B4GALNT3: variants seen among roughly 807,000 people sequenced by gnomAD.
B4GALNT3 encodes beta-1,4-N-acetylgalactosaminyltransferase 3.
A neutral mutation model predicts 120.2 loss-of-function variants in B4GALNT3; 86 were observed. That is an observed-to-expected ratio of 0.72 (90% CI 0.60 to 0.86). The LOEUF (loss-of-function observed/expected upper bound fraction) is 0.86. Among genes scored for constraint, B4GALNT3 ranks in the 40% least tolerant of loss-of-function variants. B4GALNT3 has a pLI of 0.00. For synonymous variants in B4GALNT3, 518 were observed against 510.4 expected, an observed-to-expected ratio of 1.01 and a Z score of -0.20; for missense variants, 1,167 against 1,298.9, an observed-to-expected ratio of 0.90 and a Z score of 1.56.
intron 3 of B4GALNT3, among the ~76,000 whole-genome samples, chr12:538,276 G>T (rs577180469): frequency 8.5e-5 from 13 of 152,234 alleles, no homozygotes; most frequent in Non-Finnish European, 1.9e-4. Context: ...TCAAAATTGG[G>T]CTGGGCTTGG....
chr12:510,866 G>A (rs991148257), intron 1 of B4GALNT3, among the ~76,000 whole-genome samples: 6 of 152,012 alleles, frequency 3.9e-5, no homozygotes, highest in African/African-American at 1.4e-4. Context: ...ATATCCACAG[G>A]GCTGTGCAAC....
chr12:527,117 G>A (rs1946765280), intron 1 of B4GALNT3, among the ~76,000 whole-genome samples: 2 of 152,004 alleles, frequency 1.3e-5, no homozygotes, highest in African/African-American at 2.4e-5. Flanking sequence ...TTAAAGAAAC[G>A]AGGTTTCACC....
intron 1 of B4GALNT3, among the ~76,000 whole-genome samples, chr12:508,851 A>C (rs1003081859): frequency 3.9e-5 from 6 of 152,212 alleles, no homozygotes; most frequent in African/African-American, 1.4e-4. Context: ...GTGCCCCAGG[A>C]GGCCTTTCAT....
rs148146125 is a variant in B4GALNT3 at position 485,026 on chromosome 12, C to T, written c.169+24481C>T. Among the ~76,000 whole-genome samples the T allele has an allele frequency of 3.7e-3, 559 of 152,266 alleles. 2 individuals are homozygous for T. Among genetic ancestry groups the T allele is most frequent in the Non-Finnish European group, 6.9e-3 (468 of 68,016 alleles). Reference sequence around the variant, plus strand: ...TCGCATAGACAAAATATACACGTCACACATAACACATCCCTTTGGCATGTT... The same window carrying T: ...TCGCATAGACAAAATATACACGTCATACATAACACATCCCTTTGGCATGTT... On this transcript the variant is annotated intron_variant, in intron 1 of 19. Transcript: ENST00000266383.
At chr12:559,058 G>T (rs755519426) in intron 18 of B4GALNT3, among the ~76,000 whole-genome samples, 6 of 152,054 alleles carry the variant, frequency 3.9e-5, no homozygotes, top group Non-Finnish European at 8.8e-5. Context: ...CGATCCATTT[G>T]TAGGGTTGTT....
At chr12:480,985 G>A (rs1007442978) in intron 1 of B4GALNT3, among the ~76,000 whole-genome samples, 4 of 152,256 alleles carry the variant, frequency 2.6e-5, no homozygotes, top group Admixed American at 6.5e-5. Flanking sequence ...ACACTGCTGT[G>A]TGCTTAGCCC....
At chr12:495,590 G>A (rs985870587) in intron 1 of B4GALNT3, among the ~76,000 whole-genome samples, 1 of 152,148 alleles carries the variant, frequency 6.6e-6, no homozygotes, top group Non-Finnish European at 1.5e-5. Flanking sequence ...TATGCAGGTT[G>A]TTCACTGCAG....
At chr12:540,090 ACT>A (rs963103375) in intron 3 of B4GALNT3, among the ~76,000 whole-genome samples, 2 of 152,094 alleles carry the variant, frequency 1.3e-5, no homozygotes, top group Non-Finnish European at 2.9e-5. Context: ...TGCGAGTTTG[ACT>A]CTGGTTGAGT....
rs558921913 is a variant in B4GALNT3, at chr12:558,005, C to G, written c.2535-11C>G. On this transcript the variant is annotated splice_polypyrimidine_tract_variant and intron_variant, in intron 16 of 19. Coordinates refer to ENST00000266383, the MANE Select transcript of B4GALNT3 (RefSeq NM_173593.4). ...AGTCCTGATACGCAGCCCTCTCTCC[C>G]CTTCCTGCAGCTACCAGTACGTGAA... 2 of 1,613,910 alleles carry G rather than the reference C, an allele frequency of 1.2e-6. No individual in the cohort carries two copies. The highest frequency in any genetic ancestry group is 2.7e-5 in the African/African-American group (2 of 75,052).
intron 1 of B4GALNT3, among the ~76,000 whole-genome samples, chr12:474,160 C>T (rs561777944): frequency 6.6e-6 from 1 of 152,308 alleles, no homozygotes; most frequent in East Asian, 1.9e-4. Context: ...GGAATAGAGT[C>T]AGCCTCAGAC....
intron 1 of B4GALNT3, among the ~76,000 whole-genome samples, chr12:501,308 G>A (rs1946442322): frequency 6.6e-6 from 1 of 152,172 alleles, no homozygotes; most frequent in South Asian, 2.1e-4. Flanking sequence ...TATTTGCAGG[G>A]TTGTTGTGAA....
At chr12:476,044 C>T (rs1413482778) in intron 1 of B4GALNT3, among the ~76,000 whole-genome samples, 1 of 152,190 alleles carries the variant, frequency 6.6e-6, no homozygotes, top group African/African-American at 2.4e-5. Flanking sequence ...CCATTTCTTC[C>T]TTCCTTTACC....
In B4GALNT3 at chr12:553,506, A is replaced by T. The variant is rs139421625; in HGVS notation, c.1583A>T (p.His528Leu). 10 of 1,613,904 alleles carry T rather than the reference A, an allele frequency of 6.2e-6. No individual in the cohort carries two copies. In the African/African-American group the frequency reaches 1.1e-4, roughly 17 times the overall value. Residue 528 changes from histidine (H) to leucine (L), a missense_variant, in exon 14 of 20, where the codon CAT (histidine) becomes CTT (leucine). Coordinates refer to ENST00000266383, the MANE Select transcript of B4GALNT3 (RefSeq NM_173593.4). ...CCTGAGCCCAGCCAAGATTCACCTC[A>T]TTCCGACAAGTGGCCTCCTGGGCAC... Reference protein sequence around the residue: ...PSPEPSQDSPHSDKWPPGHPV... With the variant: ...PSPEPSQDSPLSDKWPPGHPV...
Position 460,746 on chromosome 12 carries a change from C to T in B4GALNT3, c.169+201C>T, listed in dbSNP as rs976174325. ...CGGGGCCGAGCGCAGAATTCCCGAG[C>T]CCGGGCCTGCCCGCCGGCCACGTGG... On this transcript the variant is annotated intron_variant, in intron 1 of 19. Transcript: ENST00000266383. This position sits in a 1 kb window ranked among gnomAD's most constrained non-coding sequence, Gnocchi z 8.0. Among the ~76,000 whole-genome samples the T allele has an allele frequency of 3.9e-5, 6 of 152,126 alleles. No homozygotes were observed. Among genetic ancestry groups the T allele is most frequent in the Non-Finnish European group, 7.4e-5 (5 of 68,000 alleles).
chr12:512,112 T>TTCG (rs1946580542), intron 1 of B4GALNT3, among the ~76,000 whole-genome samples: 1 of 102,366 alleles, frequency 9.8e-6, no homozygotes, highest in Admixed American at 9.8e-5. Context: ...TTCCACCTTC[T>TTCG]TCCACCTTCG....
chr12:471,407 T>TAAATA (rs1477051673), intron 1 of B4GALNT3, among the ~76,000 whole-genome samples: 1 of 135,366 alleles, frequency 7.4e-6, no homozygotes, highest in African/African-American at 3.3e-5. Context: ...AATAAATAAA[T>TAAATA]AAATAAATAA....
chr12:511,482 T>TCCACCTTCTTCCAC (rs1555154929), intron 1 of B4GALNT3, among the ~76,000 whole-genome samples: 3 of 66,230 alleles, frequency 4.5e-5, no homozygotes, highest in African/African-American at 2.0e-4. Context: ...TCTTCCACCT[T>TCCACCTTCTTCCAC]CTTCCACCTT....
At chr12:467,960 G>A (rs11063098) in intron 1 of B4GALNT3, among the ~76,000 whole-genome samples, 19,199 of 152,164 alleles carry the variant, frequency 0.13, 2,787 homozygotes, top group African/African-American at 0.37. Flanking sequence ...AAGCTTTAGG[G>A]TTCAGTTTTT....
intron 1 of B4GALNT3, among the ~76,000 whole-genome samples, chr12:506,816 T>G (rs1252444038): frequency 8.5e-5 from 13 of 152,176 alleles, no homozygotes; most frequent in Non-Finnish European, 1.3e-4. Flanking sequence ...TTTTGTATCT[T>G]TAGTAGAGAC....
Sources: allele counts gnomAD v4.1 joint callset (sites outside exome capture counted in the v4.1 genomes callset), GRCh38; gene constraint gnomAD v4.1.1; non-coding constraint Gnocchi (gnomAD v3.1); transcripts MANE v1.5; gene names NCBI Gene and HGNC (gene_info 2026-07-23, HGNC 2026-07-21).